DNAJC1: variants seen among roughly 807,000 people sequenced by gnomAD.
DNAJC1 encodes dnaJ homolog subfamily C member 1.
In DNAJC1, 58 loss-of-function variants were observed where a neutral mutation model predicts 76.6. That is an observed-to-expected ratio of 0.76 (90% CI 0.61 to 0.94). DNAJC1 has a LOEUF of 0.94. Among genes scored for constraint, DNAJC1 ranks in the 40% least tolerant of loss-of-function variants. The pLI, the probability that DNAJC1 is intolerant of heterozygous loss-of-function variation, is 0.00. For missense variants in DNAJC1, 689 were observed against 677.3 expected (o/e 1.02, Z -0.19); for synonymous variants, 258 against 267.9 (o/e 0.96, Z 0.36).
At chr10:21,887,203 A>T (rs1001235017) in intron 7 of DNAJC1, among the ~76,000 whole-genome samples, 1 of 152,156 alleles carries the variant, frequency 6.6e-6, no homozygotes, top group Non-Finnish European at 1.5e-5. Context: ...GAGTTCTATG[A>T]CGAGAATTAC....
At chr10:21,788,537 C>T (rs1052730280) in intron 9 of DNAJC1, among the ~76,000 whole-genome samples, 1 of 152,196 alleles carries the variant, frequency 6.6e-6, no homozygotes, top group Non-Finnish European at 1.5e-5. Context: ...GTTAAGACAC[C>T]TCCCTGTTTG....
chr10:21,966,965 G>C (rs1332155748), intron 1 of DNAJC1, among the ~76,000 whole-genome samples: 1 of 149,760 alleles, frequency 6.7e-6, no homozygotes, highest in Non-Finnish European at 1.5e-5. Flanking sequence ...GGGATTATAG[G>C]TTGTGAGCCA....
chr10:21,816,781 G>C (rs1188878654), intron 8 of DNAJC1, among the ~76,000 whole-genome samples: 1 of 143,810 alleles, frequency 7.0e-6, no homozygotes, highest in African/African-American at 2.5e-5. Context: ...TCCTGACCTC[G>C]TGATCCACCC....
At chr10:21,820,547 G>A (rs562635324) in intron 8 of DNAJC1, among the ~76,000 whole-genome samples, 1 of 152,292 alleles carries the variant, frequency 6.6e-6, no homozygotes, top group East Asian at 1.9e-4. Flanking sequence ...TTAACAGCAA[G>A]CAAGCAATCA....
intron 1 of DNAJC1, among the ~76,000 whole-genome samples, chr10:21,936,413 A>G (rs1419967979): frequency 1.3e-5 from 2 of 152,196 alleles, no homozygotes; most frequent in Non-Finnish European, 2.9e-5. Flanking sequence ...TTATTAATGC[A>G]TTTTGGTTAG....
chr10:21,804,641 G>A (rs1343337820), intron 9 of DNAJC1, among the ~76,000 whole-genome samples: 3 of 145,080 alleles, frequency 2.1e-5, no homozygotes, highest in Non-Finnish European at 4.5e-5. Flanking sequence ...AAGATAACTA[G>A]TCTACTCATG....
chr10:21,928,986 G>C (rs1048155054), intron 2 of DNAJC1, 54 bp downstream of exon 2: 9 of 1,081,616 alleles, frequency 8.3e-6, no homozygotes, highest in Non-Finnish European at 1.2e-5. Flanking sequence ...TTCTACCATC[G>C]ACATGTTAAT....
intron 9 of DNAJC1, among the ~76,000 whole-genome samples, chr10:21,793,430 C>T (rs912963418): frequency 1.3e-5 from 2 of 152,196 alleles, no homozygotes; most frequent in Non-Finnish European, 2.9e-5. Flanking sequence ...GCACTCACCA[C>T]TTCTGTATAA....
intron 10 of DNAJC1, among the ~76,000 whole-genome samples, chr10:21,765,999 C>T (rs989101773): frequency 1.3e-5 from 2 of 152,140 alleles, no homozygotes; most frequent in African/African-American, 4.8e-5. Context: ...CTGTGTTCCC[C>T]GTCCCCACAA....
At chr10:21,936,983 T>C (rs1391936354) in intron 1 of DNAJC1, among the ~76,000 whole-genome samples, 1 of 152,302 alleles carries the variant, frequency 6.6e-6, no homozygotes, top group East Asian at 1.9e-4. Context: ...AAAATGCAGA[T>C]ATTGGCAGAA....
At chr10:21,943,682 C>G (rs1005347546) in intron 1 of DNAJC1, among the ~76,000 whole-genome samples, 3 of 152,178 alleles carry the variant, frequency 2.0e-5, no homozygotes, top group Non-Finnish European at 2.9e-5. Flanking sequence ...TAATCTTGTT[C>G]TTGGCTGTCT....
intron 8 of DNAJC1, among the ~76,000 whole-genome samples, chr10:21,814,465 A>T (rs1382705837): frequency 6.6e-6 from 1 of 152,228 alleles, no homozygotes; most frequent in African/African-American, 2.4e-5. Flanking sequence ...GCATGAAAAG[A>T]GAAATTCATG....
intron 8 of DNAJC1, among the ~76,000 whole-genome samples, chr10:21,847,084 TA>T (rs1235189577): frequency 6.6e-6 from 1 of 152,154 alleles, no homozygotes; most frequent in Non-Finnish European, 1.5e-5. Context: ...GTTTAGCTCT[TA>T]TTCCTCAATG....
intron 1 of DNAJC1, among the ~76,000 whole-genome samples, chr10:21,940,942 AT>A (rs1358558965): frequency 6.6e-6 from 1 of 151,942 alleles, no homozygotes. Context: ...CAGTTTTATA[AT>A]AAAGAGATTT....
At chr10:21,789,141 G>A (rs933306581) in intron 9 of DNAJC1, among the ~76,000 whole-genome samples, 1 of 152,168 alleles carries the variant, frequency 6.6e-6, no homozygotes, top group East Asian at 1.9e-4. Context: ...TTTCCCCACC[G>A]TGGGGAAGTT....
At chr10:21,946,049 C>CCT (rs1837499764) in intron 1 of DNAJC1, among the ~76,000 whole-genome samples, 1 of 93,306 alleles carries the variant, frequency 1.1e-5, no homozygotes, top group Non-Finnish European at 1.9e-5. Context: ...TTCTTTTCCT[C>CCT]TTTTTTTTTT....
intron 8 of DNAJC1, among the ~76,000 whole-genome samples, chr10:21,840,053 G>A (rs538802762): frequency 3.3e-5 from 5 of 152,008 alleles, no homozygotes; most frequent in Admixed American, 1.3e-4. Context: ...ATTCAACAAC[G>A]CTTCATGCTA....
At chr10:21,917,355 A>T (rs191860688) in intron 6 of DNAJC1, among the ~76,000 whole-genome samples, 2 of 152,248 alleles carry the variant, frequency 1.3e-5, no homozygotes, top group African/African-American at 4.8e-5. Flanking sequence ...TAATTTTACC[A>T]AATAAATTTT....
At chr10:21,792,050 A>C (rs1350123221) in intron 9 of DNAJC1, among the ~76,000 whole-genome samples, 1 of 152,218 alleles carries the variant, frequency 6.6e-6, no homozygotes, top group Admixed American at 6.5e-5. Context: ...GTCAAAAAAA[A>C]ATCTTCTTTG....
Sources: gnomAD v4.1 joint callset for allele counts (sites outside exome capture counted in the v4.1 genomes callset) on GRCh38, gnomAD v4.1.1 for gene constraint, MANE v1.5 for transcripts, NCBI Gene and HGNC (gene_info 2026-07-23, HGNC 2026-07-21) for gene names.